ABT1: variants seen among roughly 807,000 people sequenced by gnomAD.
The protein encoded by ABT1 is activator of basal transcription 1.
In ABT1, 13 loss-of-function variants were observed where a neutral mutation model predicts 14.0. The ratio of observed to expected loss-of-function variants is 0.93; its 90% CI spans 0.61 to 1.48. The LOEUF (loss-of-function observed/expected upper bound fraction) is 1.48. ABT1 is among the 40% of genes most tolerant of loss of function. The pLI is 0.00. For missense variants in ABT1, 430 were observed against 380.0 expected, an observed-to-expected ratio of 1.13 and a Z score of -1.09; for synonymous variants, 165 against 144.6, an observed-to-expected ratio of 1.14 and a Z score of -1.01.
At position 26,599,766 on chromosome 6, in the gene ABT1, C is replaced by A. The variant is rs1581470864; in HGVS notation, c.*1121C>A. Reference sequence around the variant, plus strand: ...GTAGGCTTCAAAGAATCAGTGTAAGCCACTAAAAGGAACTGAAAACCTAGG... The same window carrying A: ...GTAGGCTTCAAAGAATCAGTGTAAGACACTAAAAGGAACTGAAAACCTAGG... On this transcript the variant is annotated 3_prime_UTR_variant, in exon 3 of 3. Coordinates refer to ENST00000274849, the MANE Select transcript of ABT1 (RefSeq NM_013375.4). 1 of 152,186 alleles carries A rather than the reference C, an allele frequency of 6.6e-6. No individual in the cohort carries two copies. Among genetic ancestry groups the A allele is most frequent in the Non-Finnish European group, 1.5e-5 (1 of 68,042 alleles). 9.4% of individuals were successfully genotyped at this position (152,186 alleles called of 1,614,324 possible).
chr6:26,598,412 C>G lies in ABT1; in HGVS notation c.586C>G (p.Leu196Val). ...LQSVERGQRFLAADGDPARPD... is the reference protein window; with the variant it reads ...LQSVERGQRFVAADGDPARPD... ...AAGTGTGGAACGGGGACAACGCTTT[C>G]TTGCGGCCGATGGGGACCCTGCTCG... The change falls in exon 3 of 3, where the codon CTT becomes GTT. Residue 196 changes from leucine (L) to valine (V), a missense_variant. Physicochemically the swap from Leu to Val is conservative, Grantham distance 32. Coordinates refer to ENST00000274849, the MANE Select transcript of ABT1 (RefSeq NM_013375.4). The G allele has an allele frequency of 6.2e-7, 1 of 1,614,258 alleles. No individual in the cohort carries two copies. The highest frequency in any genetic ancestry group is 8.5e-7 in the Non-Finnish European group (1 of 1,180,050).
Position 26,599,712 on chromosome 6 carries a change from A to C in ABT1, c.*1067A>C, listed in dbSNP as rs1266972716. On this transcript the variant is annotated 3_prime_UTR_variant, in exon 3 of 3. Coordinates refer to ENST00000274849, the MANE Select transcript of ABT1 (RefSeq NM_013375.4). ...ACCAGTGCACCTCAGGTGCACTTAC[A>C]TATGGTGGGGCTGAGGCAAAGCAGC... The C allele has an allele frequency of 6.6e-6, 1 of 152,208 alleles. No homozygotes were observed. Among genetic ancestry groups the C allele is most frequent in the Non-Finnish European group, 1.5e-5 (1 of 68,032 alleles). The allele number at this position is 152,208 out of a possible 1,614,324, so 9.4% of individuals were successfully genotyped here.
chr6:26,597,174 C>T lies in ABT1; in HGVS notation c.192C>T (p.Asn64=), dbSNP rs1305015800. 2.5e-6 allele frequency: 4 copies of T among 1,614,272 alleles called. No homozygotes were observed. Among genetic ancestry groups the T allele is most frequent in the Non-Finnish European group, 3.4e-6 (4 of 1,180,056 alleles). ...GCTTCCGGCCCCTGCACGTCCGCAACCTTCTCAGCGCCTATGGCGAGGTCG... is the reference window on the plus strand; with the variant it reads ...GCTTCCGGCCCCTGCACGTCCGCAATCTTCTCAGCGCCTATGGCGAGGTCG... ...PPRFRPLHVR[N]LLSAYGEVGR... is the part of the protein sequence containing the mutation. Residue 64 remains asparagine, a synonymous_variant, in exon 1 of 3, where the codon AAC becomes AAT. Coordinates refer to ENST00000274849, the MANE Select transcript of ABT1 (RefSeq NM_013375.4).
intron 1 of ABT1, 130 bp downstream of exon 1, chr6:26,597,353 C>G (rs1193588085): frequency 3.6e-6 from 4 of 1,100,818 alleles, no homozygotes; most frequent in Admixed American, 2.9e-5. Flanking sequence ...GTGGGGAGTG[C>G]GGTGCTTGGC....
intron 1 of ABT1, 45 bp downstream of exon 1, chr6:26,597,268 G>T: frequency 6.3e-7 from 1 of 1,598,670 alleles, no homozygotes; most frequent in Non-Finnish European, 8.5e-7. Flanking sequence ...GTTGTCGCTC[G>T]CTGGCGGGGT....
rs1336100138 is a variant in ABT1, at chr6:26,599,925, A to G, written c.*1280A>G. 1 of 152,210 alleles carries G rather than the reference A, an allele frequency of 6.6e-6. No individual in the cohort carries two copies. The highest frequency in any genetic ancestry group is 1.9e-4 in the East Asian group (1 of 5,204). 9.4% of individuals were successfully genotyped at this position (152,210 alleles called of 1,614,324 possible). Reference sequence around the variant, plus strand: ...TGTTTGTTTTTGTTTTTCATCTGTCAATGTGATGATCTGTGTTTTATAGGG... The same window carrying G: ...TGTTTGTTTTTGTTTTTCATCTGTCGATGTGATGATCTGTGTTTTATAGGG... On this transcript the variant is annotated 3_prime_UTR_variant, in exon 3 of 3. Coordinates refer to ENST00000274849, the MANE Select transcript of ABT1 (RefSeq NM_013375.4).
In ABT1 at chr6:26,598,748, C is replaced by A; in HGVS notation, c.*103C>A. The A allele has an allele frequency of 7.0e-7, 1 of 1,419,414 alleles. No homozygotes were observed. Among genetic ancestry groups the A allele is most frequent in the East Asian group, 2.4e-5 (1 of 41,702 alleles). The allele number at this position is 1,419,414 out of a possible 1,614,324, so 87.9% of individuals were successfully genotyped here. On this transcript the variant is annotated 3_prime_UTR_variant, in exon 3 of 3. Transcript: ENST00000274849. ...CGGGCAGACATTTTACTGTGTTTCT[C>A]AGACCAAGTGTCTACTGATGGCCCA...
rs1459919663 is a variant in ABT1, at chr6:26,600,665, A to G, written c.*2020A>G. ...CTATTTAAACAGCACTTGTTTTTTT[A>G]TATGAAGTAACTCATTTAATCCACA... is the stretch of plus-strand genomic sequence containing the variant. On this transcript the variant is annotated 3_prime_UTR_variant, in exon 3 of 3. Coordinates refer to ENST00000274849, the MANE Select transcript of ABT1 (RefSeq NM_013375.4). The G allele has an allele frequency of 1.3e-5, 2 of 152,208 alleles. No homozygotes were observed. Among genetic ancestry groups the G allele is most frequent in the Admixed American group, 6.5e-5 (1 of 15,284 alleles). 9.4% of individuals were successfully genotyped at this position (152,208 alleles called of 1,614,324 possible). A position where few individuals can be genotyped will look rare whatever the true frequency, so the allele number is the denominator to read the frequency against.
intron 1 of ABT1, among the ~76,000 whole-genome samples, chr6:26,597,652 C>A (rs972700091): frequency 3.4e-4 from 52 of 152,302 alleles, no homozygotes; most frequent in African/African-American, 1.3e-3. Flanking sequence ...CTTCTTTCCA[C>A]CCTCAATTTT....
chr6:26,597,728 A>G (rs1203988058), intron 1 of ABT1, among the ~76,000 whole-genome samples, 186 bp from the exon 2 acceptor site: 1 of 152,134 alleles, frequency 6.6e-6, no homozygotes, highest in Non-Finnish European at 1.5e-5. Flanking sequence ...TAAGGAGTGG[A>G]CAATTAAGGA....
intron 1 of ABT1, 150 bp from the exon 2 acceptor site, chr6:26,597,764 G>C: frequency 2.9e-6 from 2 of 689,106 alleles, no homozygotes; most frequent in East Asian, 5.5e-5. Context: ...TAGAGGAAAG[G>C]GTGCGATTTA....
Position 26,598,523 on chromosome 6 carries a change from CG to C in ABT1, c.700del (p.Ala234LeufsTer60), listed in dbSNP as rs782314513. 4.3e-6 allele frequency: 7 copies of C among 1,613,784 alleles called. No individual in the cohort carries two copies. In the South Asian group the frequency reaches 7.7e-5, roughly 18 times the overall value. ...AGCAGCACGGCCAGGGGGACGTGAA[CG>C]GGCTCGCCTGGCAACTGCCCAGGAC... ...RKAARPGGRE[R>X]ARLATAQDKA... On this transcript the variant is annotated frameshift_variant, in exon 3 of 3. Coordinates refer to ENST00000274849, the MANE Select transcript of ABT1 (RefSeq NM_013375.4). LOFTEE classifies it low-confidence loss of function (END_TRUNC).
chr6:26,598,720 A>AC lies in ABT1; in HGVS notation c.*78dup. The AC allele has an allele frequency of 6.8e-7, 1 of 1,475,626 alleles. No homozygotes were observed. The highest frequency in any genetic ancestry group is 1.4e-5 in the African/African-American group (1 of 71,142). The allele number at this position is 1,475,626 out of a possible 1,614,324, so 91.4% of individuals were successfully genotyped here. A position where few individuals can be genotyped will look rare whatever the true frequency, so the allele number is the denominator to read the frequency against. On this transcript the variant is annotated 3_prime_UTR_variant, in exon 3 of 3. Coordinates refer to ENST00000274849, the MANE Select transcript of ABT1 (RefSeq NM_013375.4). Reference sequence around the variant, plus strand: ...ACCTCATACTAGAATGATCGTGACTACCCGGGCAGACATTTTACTGTGTTT... The same window carrying AC: ...ACCTCATACTAGAATGATCGTGACTACCCCGGGCAGACATTTTACTGTGTTT...
chr6:26,598,708 A>G lies in ABT1; in HGVS notation c.*63A>G. ...TGCTTCCTGTCTACCTCATACTAGAATGATCGTGACTACCCGGGCAGACAT... is the reference window on the plus strand; with the variant it reads ...TGCTTCCTGTCTACCTCATACTAGAGTGATCGTGACTACCCGGGCAGACAT... On this transcript the variant is annotated 3_prime_UTR_variant, in exon 3 of 3. Coordinates refer to ENST00000274849, the MANE Select transcript of ABT1 (RefSeq NM_013375.4). 1 of 1,492,200 alleles carries G rather than the reference A, an allele frequency of 6.7e-7. No homozygotes were observed. Among genetic ancestry groups the G allele is most frequent in the Non-Finnish European group, 8.9e-7 (1 of 1,124,412 alleles). The allele number at this position is 1,492,200 out of a possible 1,614,324, so 92.4% of individuals were successfully genotyped here.
chr6:26,598,812 A>AACTCCTGTATGT lies in ABT1; in HGVS notation c.*168_*179dup, dbSNP rs1158247329. 3.6e-6 allele frequency: 3 copies of AACTCCTGTATGT among 826,038 alleles called. No homozygotes were observed. The highest frequency in any genetic ancestry group is 5.4e-6 in the Non-Finnish European group (3 of 559,880). 51.2% of individuals were successfully genotyped at this position (826,038 alleles called of 1,614,324 possible). ...GTGGGCTTCCACTGTCCCCACTCCG[A>AACTCCTGTATGT]ACTCCTGTATGTGCCTGGCTGAGTC... On this transcript the variant is annotated 3_prime_UTR_variant, in exon 3 of 3. Transcript: ENST00000274849.
At chr6:26,598,139 T>G (rs782034951) in intron 2 of ABT1, 29 bp downstream of exon 2, 1 of 1,591,262 alleles carries the variant, frequency 6.3e-7, no homozygotes, top group Admixed American at 1.7e-5. Flanking sequence ...CTGCCACACC[T>G]CTCACCCTCC....
rs1459375353 is a variant in ABT1, at chr6:26,599,731, A to G, written c.*1086A>G. 6.6e-6 allele frequency: 1 copy of G among 152,250 alleles called. No homozygotes were observed. Among genetic ancestry groups the G allele is most frequent in the Non-Finnish European group, 1.5e-5 (1 of 68,064 alleles). 9.4% of individuals were successfully genotyped at this position (152,250 alleles called of 1,614,324 possible). A position where few individuals can be genotyped will look rare whatever the true frequency, so the allele number is the denominator to read the frequency against. The stretch of plus-strand genomic sequence containing the variant: ...ACTTACATATGGTGGGGCTGAGGCA[A>G]AGCAGCCCTGTAGGCTTCAAAGAAT... On this transcript the variant is annotated 3_prime_UTR_variant, in exon 3 of 3. Transcript: ENST00000274849.
chr6:26,598,599 C>T lies in ABT1; in HGVS notation c.773C>T (p.Pro258Leu), dbSNP rs1764937323. 6.3e-7 allele frequency: 1 copy of T among 1,598,034 alleles called. No individual in the cohort carries two copies. The highest frequency in any genetic ancestry group is 8.6e-7 in the Non-Finnish European group (1 of 1,168,646). ...CTGGCCAGGATCTTTGGAGCCCCGC[C>T]ACCCTCAGAGAGCATGGAGGGACCT... is the stretch of plus-strand genomic sequence containing the variant. ...GLLARIFGAP[P>L]PSESMEGPSL... Residue 258 changes from proline to leucine, a missense_variant, in exon 3 of 3, where the codon CCA becomes CTA. Coordinates refer to ENST00000274849, the MANE Select transcript of ABT1 (RefSeq NM_013375.4).
chr6:26,597,148 C>T lies in ABT1; in HGVS notation c.166C>T (p.Arg56Cys). 6 of 1,614,224 alleles carry T rather than the reference C, an allele frequency of 3.7e-6. No homozygotes were observed. The highest frequency in any genetic ancestry group is 1.1e-5 in the South Asian group (1 of 91,086). Residue 56 changes from arginine to cysteine, a missense_variant, in exon 1 of 3, where the codon CGC becomes TGC. Arg to Cys is a radical substitution (Grantham distance 180). Coordinates refer to ENST00000274849, the MANE Select transcript of ABT1 (RefSeq NM_013375.4). ...GIVYLGHIPPRFRPLHVRNLL... is the reference protein window; with the variant it reads ...GIVYLGHIPPCFRPLHVRNLL... ...TGTGTACCTGGGCCATATCCCGCCGCGCTTCCGGCCCCTGCACGTCCGCAA... is the reference window on the plus strand; with the variant it reads ...TGTGTACCTGGGCCATATCCCGCCGTGCTTCCGGCCCCTGCACGTCCGCAA...
Sources: allele counts gnomAD v4.1 joint callset (sites outside exome capture counted in the v4.1 genomes callset), GRCh38; gene constraint gnomAD v4.1.1; transcripts MANE v1.5; gene names NCBI Gene and HGNC (gene_info 2026-07-23, HGNC 2026-07-21).